WDFY3: variants seen among roughly 807,000 people sequenced by gnomAD.
The protein encoded by WDFY3 is WD repeat and FYVE domain-containing protein 3.
In WDFY3, 66 loss-of-function variants were observed where a neutral mutation model predicts 409.6. The observed-to-expected ratio is 0.16, with a 90% confidence interval of 0.13 to 0.20. The LOEUF is 0.20. Among genes scored for constraint, WDFY3 ranks in the 10% least tolerant of loss-of-function variants. The pLI is 1.00. For missense variants in WDFY3, 3,031 were observed against 4,298.1 expected, an observed-to-expected ratio of 0.71 and a Z score of 8.24; for synonymous variants, 1,521 against 1,537.1, an observed-to-expected ratio of 0.99 and a Z score of 0.25.
chr4:84,737,147 G>A (rs1737586239), intron 41 of WDFY3, 37 bp downstream of exon 41: 2 of 1,611,808 alleles, frequency 1.2e-6, no homozygotes, highest in African/African-American at 1.3e-5. Context: ...ATAGCCACAT[G>A]TAAATCTCCT....
intron 67 of WDFY3, among the ~76,000 whole-genome samples, chr4:84,675,820 C>G (rs761356806): frequency 2.6e-5 from 4 of 152,184 alleles, no homozygotes; most frequent in African/African-American, 4.8e-5. Context: ...GGATGTGTAT[C>G]TGGGACCCAG....
chr4:84,923,092 A>C (rs1354679801), intron 2 of WDFY3, among the ~76,000 whole-genome samples: 1 of 152,176 alleles, frequency 6.6e-6, no homozygotes, highest in Non-Finnish European at 1.5e-5. Flanking sequence ...TTTTGGGGTA[A>C]ATGAGTTAAG....
chr4:84,741,507 G>C (rs2149230187), intron 38 of WDFY3, among the ~76,000 whole-genome samples: 1 of 152,136 alleles, frequency 6.6e-6, no homozygotes, highest in Admixed American at 6.5e-5. Context: ...CAGAGACAGG[G>C]TCTCACCATG....
In WDFY3 at chr4:84,736,297, TCTC is replaced by T; in HGVS notation, c.6785_6787del (p.Gly2262del). ...GGACTGTGTGGTGGGCGCTAAAGCT[TCTC>T]CTCGACTTATGCATTTCTTTTCATG... On this transcript the variant is annotated inframe_deletion, in exon 42 of 68. Coordinates refer to ENST00000295888, the MANE Select transcript of WDFY3 (RefSeq NM_014991.6). 3 of 1,604,164 alleles carry T rather than the reference TCTC, an allele frequency of 1.9e-6. No homozygotes were observed. The highest frequency in any genetic ancestry group is 2.6e-6 in the Non-Finnish European group (3 of 1,176,166).
chr4:84,933,000 A>G (rs1197127569), intron 1 of WDFY3, among the ~76,000 whole-genome samples: 1 of 152,134 alleles, frequency 6.6e-6, no homozygotes. Context: ...GGCCTCTAGT[A>G]ACTCTGCTCT....
chr4:84,774,864 C>T lies in WDFY3; in HGVS notation c.4710G>A (p.Leu1570=), dbSNP rs1207401453. ...QPTIAAISNV[L]SFLLQGFPSS... ...TAGGAAAACCTTGCAGTAAGAAGCT[C>T]AGGACATTACTAATAGCAGCAATAG... is the stretch of plus-strand genomic sequence containing the variant. Residue 1570 remains leucine (L), a synonymous_variant, in exon 29 of 68, where the codon CTG becomes CTA. Coordinates refer to ENST00000295888, the MANE Select transcript of WDFY3 (RefSeq NM_014991.6). 3 of 1,613,822 alleles carry T rather than the reference C, an allele frequency of 1.9e-6. No homozygotes were observed. Among genetic ancestry groups the T allele is most frequent in the Non-Finnish European group, 2.5e-6 (3 of 1,179,916 alleles).
rs368189527 is a variant in WDFY3, at chr4:84,831,524, T to C, written c.658A>G (p.Ile220Val). ...KDDLQLLFSA[I>V]TSWCPPYNLP... is the part of the protein sequence containing the mutation. ...TTATAGGGAGGGCACCAAGAGGTTA[T>C]TGCACTGAATAGAAGCTGGAGATCA... Residue 220 changes from isoleucine to valine, a missense_variant, in exon 8 of 68, where the codon ATA becomes GTA. Ile to Val is a conservative substitution (Grantham distance 29). Coordinates refer to ENST00000295888, the MANE Select transcript of WDFY3 (RefSeq NM_014991.6). 6 of 1,614,126 alleles carry C rather than the reference T, an allele frequency of 3.7e-6. No homozygotes were observed. The highest frequency in any genetic ancestry group is 1.1e-5 in the South Asian group (1 of 91,080).
At chr4:84,678,083 C>G (rs1175299752) in intron 66 of WDFY3, 85 bp downstream of exon 66, 26 of 954,698 alleles carry the variant, frequency 2.7e-5, no homozygotes, top group Admixed American at 2.1e-4. Context: ...ATCTGTTTTC[C>G]CCAAAGACTG....
chr4:84,711,640 C>T (rs1449921099), intron 51 of WDFY3, among the ~76,000 whole-genome samples: 1 of 151,876 alleles, frequency 6.6e-6, no homozygotes, highest in Admixed American at 6.6e-5. Context: ...ATCGCGAGGT[C>T]GGGAGTTTGA....
chr4:84,705,029 G>C (rs1230623904), intron 54 of WDFY3, among the ~76,000 whole-genome samples: 1 of 151,842 alleles, frequency 6.6e-6, no homozygotes, highest in Non-Finnish European at 1.5e-5. Context: ...AATGCAAAAG[G>C]GTTCCAAAAT....
In WDFY3 at chr4:84,690,415, C is replaced by T. The variant is rs1368730860; in HGVS notation, c.9363+91G>A. ...GTTTTGTCCATTAGATCTGAAGTAC[C>T]TCAGAATTAAGGAAGCTTTTTACTT... On this transcript the variant is annotated intron_variant, in intron 61 of 67. Coordinates refer to ENST00000295888, the MANE Select transcript of WDFY3 (RefSeq NM_014991.6). 1.9e-6 allele frequency: 3 copies of T among 1,572,508 alleles called. No individual in the cohort carries two copies. In the African/African-American group the frequency reaches 4.1e-5, roughly 21 times the overall value.
intron 67 of WDFY3, among the ~76,000 whole-genome samples, chr4:84,676,219 GAA>G (rs1005003104): frequency 4.0e-5 from 6 of 149,900 alleles, no homozygotes; most frequent in African/African-American, 1.5e-4. Context: ...ACTCCTCAAG[GAA>G]AAAAAAAGGG....
intron 63 of WDFY3, 89 bp downstream of exon 63, chr4:84,683,854 T>C: frequency 7.4e-7 from 1 of 1,359,800 alleles, no homozygotes; most frequent in Non-Finnish European, 1.0e-6. Flanking sequence ...TACAACTTGT[T>C]CAGGTGTTCT....
At chr4:84,827,143 C>T (rs192381727) in intron 9 of WDFY3, among the ~76,000 whole-genome samples, 162 bp from the exon 10 acceptor site, 88 of 151,700 alleles carry the variant, frequency 5.8e-4, no homozygotes, top group Middle Eastern at 3.4e-3. Context: ...CTTTTAACCA[C>T]GGCTTTCCTG....
At chr4:84,703,915 T>C (rs1476755620) in intron 55 of WDFY3, among the ~76,000 whole-genome samples, 1 of 152,236 alleles carries the variant, frequency 6.6e-6, no homozygotes, top group East Asian at 1.9e-4. Context: ...TCTTTATTAA[T>C]TGAAGTCCTC....
At chr4:84,706,180 G>A (rs1258127929) in intron 53 of WDFY3, among the ~76,000 whole-genome samples, 1 of 152,170 alleles carries the variant, frequency 6.6e-6, no homozygotes, top group East Asian at 1.9e-4. Context: ...GATTTTAAAA[G>A]TGGAAATTTG....
At chr4:84,948,361 G>T (rs1355166306) in intron 1 of WDFY3, among the ~76,000 whole-genome samples, 1 of 151,954 alleles carries the variant, frequency 6.6e-6, no homozygotes. Context: ...TTTGCATCTC[G>T]TGATGCCATA....
intron 4 of WDFY3, among the ~76,000 whole-genome samples, chr4:84,852,542 A>G (rs906985893): frequency 6.6e-6 from 1 of 152,246 alleles, no homozygotes; most frequent in Non-Finnish European, 1.5e-5. Flanking sequence ...CTAAAACAAT[A>G]AATAAATTCT....
At chr4:84,909,604 G>A (rs546423740) in intron 2 of WDFY3, among the ~76,000 whole-genome samples, 3 of 152,032 alleles carry the variant, frequency 2.0e-5, no homozygotes, top group Non-Finnish European at 4.4e-5. Flanking sequence ...CTCACTGCCA[G>A]CTCTTTAGTA....
Sources: allele counts gnomAD v4.1 joint callset (sites outside exome capture counted in the v4.1 genomes callset), GRCh38; gene constraint gnomAD v4.1.1; transcripts MANE v1.5; gene names NCBI Gene and HGNC (gene_info 2026-07-23, HGNC 2026-07-21).